Variants in SPAG9 observed in about 807,000 individuals in gnomAD.
SPAG9 encodes sperm associated antigen 9.
Under a neutral mutation model 166.5 loss-of-function variants are expected in SPAG9, and 35 were observed. The ratio of observed to expected loss-of-function variants is 0.21; its 90% CI spans 0.16 to 0.28. The LOEUF is 0.28. SPAG9 is among the 10% of genes least tolerant of loss of function. The pLI, the probability that SPAG9 is intolerant of heterozygous loss-of-function variation, is 1.00. For synonymous variants in SPAG9, 534 were observed against 565.5 expected (o/e 0.94, Z 0.79); for missense variants, 1,235 against 1,603.3 (o/e 0.77, Z 3.92).
intron 2 of SPAG9, among the ~76,000 whole-genome samples, chr17:51,068,126 C>T (rs1016214102): frequency 6.6e-6 from 1 of 152,216 alleles, no homozygotes; most frequent in African/African-American, 2.4e-5. Flanking sequence ...GATAGTCCAA[C>T]TGTTGCTGGG....
chr17:51,003,879 C>T (rs2045075047), intron 12 of SPAG9, among the ~76,000 whole-genome samples: 1 of 152,220 alleles, frequency 6.6e-6, no homozygotes, highest in Non-Finnish European at 1.5e-5. Flanking sequence ...CTCCTGCCCA[C>T]CTGGAGACTT....
At chr17:51,036,515 C>A (rs570820373) in intron 5 of SPAG9, among the ~76,000 whole-genome samples, 2 of 152,150 alleles carry the variant, frequency 1.3e-5, no homozygotes, top group East Asian at 3.9e-4. Flanking sequence ...CTTCTTTTCC[C>A]ATGCATCTTC....
Position 51,007,372 on chromosome 17 carries a change from T to G in SPAG9, c.1214-46A>C, listed in dbSNP as rs373546422. Reference sequence around the variant, plus strand: ...AAGACTTTGAAAATAAATGCATCAATAATTATATACATTTAAAATATAAGC... The same window carrying G: ...AAGACTTTGAAAATAAATGCATCAAGAATTATATACATTTAAAATATAAGC... On this transcript the variant is annotated intron_variant, in intron 9 of 29. Coordinates refer to ENST00000262013, the MANE Select transcript of SPAG9 (RefSeq NM_001130528.3). The G allele has an allele frequency of 1.4e-5, 15 of 1,041,474 alleles. No homozygotes were observed. In the Admixed American group the frequency reaches 3.1e-4, roughly 21 times the overall value. The allele number at this position is 1,041,474 out of a possible 1,614,324, so 64.5% of individuals were successfully genotyped here. A position where few individuals can be genotyped will look rare whatever the true frequency, so the allele number is the denominator to read the frequency against.
At position 51,112,095 on chromosome 17, in the gene SPAG9, T is replaced by C. The variant is rs79349905; in HGVS notation, c.303+8259A>G. On this transcript the variant is annotated intron_variant, in intron 1 of 29. Transcript: ENST00000262013. ...AATAATTAACTAACAAATTATTATT[T>C]CATAAAGCAACAACCATACCCCTTC... Among the ~76,000 whole-genome samples the C allele has an allele frequency of 5.5e-3, 839 of 152,156 alleles. 5 individuals carry two copies. The highest frequency in any genetic ancestry group is 0.019 in the African/African-American group (775 of 41,514).
At chr17:51,023,767 C>T (rs529174256) in intron 6 of SPAG9, among the ~76,000 whole-genome samples, 16 of 152,106 alleles carry the variant, frequency 1.1e-4, no homozygotes, top group Non-Finnish European at 2.2e-4. Flanking sequence ...CAGGCTCAAG[C>T]GATTCTCGTG....
At chr17:51,013,901 TACAC>T (rs61242113) in intron 9 of SPAG9, among the ~76,000 whole-genome samples, 14 of 150,922 alleles carry the variant, frequency 9.3e-5, no homozygotes, top group South Asian at 6.2e-4. Flanking sequence ...CACATACACA[TACAC>T]ACACACACAC....
At chr17:50,988,088 T>A (rs1160608131) in intron 21 of SPAG9, among the ~76,000 whole-genome samples, 2 of 152,140 alleles carry the variant, frequency 1.3e-5, no homozygotes, top group Non-Finnish European at 1.5e-5. Flanking sequence ...TGGCAGCACA[T>A]GCCTTCAATC....
intron 2 of SPAG9, among the ~76,000 whole-genome samples, chr17:51,077,001 T>G (rs62062981): frequency 0.022 from 1,975 of 90,642 alleles, 62 homozygotes; most frequent in African/African-American, 0.068. Flanking sequence ...TATCTAGCTA[T>G]CTAGCTAGCT....
chr17:50,970,254 G>A (rs188772042), intron 29 of SPAG9, among the ~76,000 whole-genome samples: 204 of 152,018 alleles, frequency 1.3e-3, no homozygotes, highest in African/African-American at 4.3e-3. Context: ...GCGGTGGCTC[G>A]GGCTTGTAAT....
chr17:51,008,325 G>T (rs1294143666), intron 9 of SPAG9, among the ~76,000 whole-genome samples: 1 of 151,654 alleles, frequency 6.6e-6, no homozygotes, highest in Non-Finnish European at 1.5e-5. Context: ...AGAAACTGAA[G>T]AAATGAAATA....
intron 5 of SPAG9, among the ~76,000 whole-genome samples, chr17:51,037,685 A>ATAGTGTGTGTGT: frequency 1.2e-5 from 1 of 83,492 alleles, no homozygotes; most frequent in East Asian, 3.2e-4. Context: ...ATATATATAT[A>ATAGTGTGTGTGT]GTGTGTGTGT....
At chr17:51,015,462 G>A (rs773936586) in intron 8 of SPAG9, among the ~76,000 whole-genome samples, 2 of 152,094 alleles carry the variant, frequency 1.3e-5, no homozygotes, top group Non-Finnish European at 2.9e-5. Flanking sequence ...CAGGAAAGTG[G>A]AGAATCAGCA....
chr17:51,022,662 C>T (rs545486366), intron 6 of SPAG9, among the ~76,000 whole-genome samples: 3 of 144,196 alleles, frequency 2.1e-5, no homozygotes, highest in East Asian at 3.9e-4. Flanking sequence ...ATAATAATAA[C>T]AATAGGCCGG....
chr17:51,014,249 T>C lies in SPAG9; in HGVS notation c.1196A>G (p.Glu399Gly). The change falls in exon 9 of 30, where the codon GAA becomes GGA. Residue 399 changes from glutamate to glycine, a missense_variant. Glu to Gly is a moderately conservative substitution (Grantham distance 98). Coordinates refer to ENST00000262013, the MANE Select transcript of SPAG9 (RefSeq NM_001130528.3). ...TATCATACCTAGTAAATCTGCTCCT[T>C]CATCCACATCTCCTATTAGGCCTGA... Reference protein sequence around the residue: ...AGSGLIGDVDEGADLLGMGRE... With the variant: ...AGSGLIGDVDGGADLLGMGRE... The C allele has an allele frequency of 6.2e-7, 1 of 1,612,438 alleles. No individual in the cohort carries two copies. Among genetic ancestry groups the C allele is most frequent in the Non-Finnish European group, 8.5e-7 (1 of 1,179,142 alleles).
intron 5 of SPAG9, among the ~76,000 whole-genome samples, chr17:51,036,745 A>G (rs951976163): frequency 2.0e-5 from 3 of 151,876 alleles, no homozygotes; most frequent in Non-Finnish European, 4.4e-5. Context: ...CATATGGATT[A>G]CCCTTGTAAC....
chr17:51,008,244 G>A (rs1040121138), intron 9 of SPAG9, among the ~76,000 whole-genome samples: 6 of 152,108 alleles, frequency 3.9e-5, no homozygotes, highest in Middle Eastern at 3.2e-3. Context: ...AGATAAGCAC[G>A]TAGAGCATCC....
intron 26 of SPAG9, among the ~76,000 whole-genome samples, chr17:50,977,598 C>A (rs1232592671): frequency 6.6e-6 from 1 of 152,140 alleles, no homozygotes; most frequent in Non-Finnish European, 1.5e-5. Context: ...AAACAAAAAA[C>A]CCCAACAGAA....
At chr17:51,050,289 A>G (rs576516835) in intron 3 of SPAG9, among the ~76,000 whole-genome samples, 1 of 152,242 alleles carries the variant, frequency 6.6e-6, no homozygotes, top group Non-Finnish European at 1.5e-5. Context: ...AGAGAGAACA[A>G]TAACAACAAA....
In SPAG9 at chr17:50,995,078, A is replaced by G; in HGVS notation, c.2205T>C (p.Asp735=). ...TTACCTTAAGTTCCTGATCTAACTT[A>G]TCTAAACTACTCTGAGAGGCACTTC... The part of the protein sequence containing the change: ...KQRSASQSSL[D]KLDQELKEQQ... Residue 735 remains aspartate (D), a synonymous_variant, in exon 18 of 30, where the codon GAT becomes GAC. Coordinates refer to ENST00000262013, the MANE Select transcript of SPAG9 (RefSeq NM_001130528.3). 1 of 1,613,690 alleles carries G rather than the reference A, an allele frequency of 6.2e-7. No individual in the cohort carries two copies. Among genetic ancestry groups the G allele is most frequent in the East Asian group, 2.2e-5 (1 of 44,870 alleles).
Sources: allele counts gnomAD v4.1 joint callset (sites outside exome capture counted in the v4.1 genomes callset), GRCh38; gene constraint gnomAD v4.1.1; transcripts MANE v1.5; gene names NCBI Gene and HGNC (gene_info 2026-07-23, HGNC 2026-07-21).